The following TRAF3 variants were observed in gnomAD, a reference collection of about 807,000 sequenced individuals.
The protein encoded by TRAF3 is TNF receptor-associated factor 3.
In TRAF3, 13 loss-of-function variants were observed where a neutral mutation model predicts 62.3. That is an observed-to-expected ratio of 0.21 (90% CI 0.14 to 0.33). The LOEUF is 0.33. Ranked by LOEUF, TRAF3 falls within the 10% of genes least tolerant of loss-of-function variation. The probability of loss-of-function intolerance (pLI) is 1.00; values close to 1 mark genes in which losing one functional copy is unlikely to be tolerated. For missense variants in TRAF3, 440 were observed against 741.8 expected, an observed-to-expected ratio of 0.59 and a Z score of 4.73; for synonymous variants, 269 against 283.4, an observed-to-expected ratio of 0.95 and a Z score of 0.51.
intron 2 of TRAF3, among the ~76,000 whole-genome samples, 200 bp from the exon 3 acceptor site, chr14:102,869,985 A>T (rs565383923): frequency 3.1e-4 from 47 of 152,098 alleles, no homozygotes; most frequent in Non-Finnish European, 6.5e-4. Context: ...ATCAATAGTT[A>T]CTATGTGTTT....
At chr14:102,829,830 AG>A (rs1900558587) in intron 1 of TRAF3, among the ~76,000 whole-genome samples, 1 of 152,180 alleles carries the variant, frequency 6.6e-6, no homozygotes, top group Non-Finnish European at 1.5e-5. Context: ...GCTGTTTGTT[AG>A]AAATATATGT....
At chr14:102,881,353 C>A (rs570014536) in intron 6 of TRAF3, among the ~76,000 whole-genome samples, 4 of 148,938 alleles carry the variant, frequency 2.7e-5, no homozygotes, top group Admixed American at 6.7e-5. Flanking sequence ...CACTGCACTT[C>A]AGCCTGGGCG....
chr14:102,813,682 C>T (rs1899340557), intron 1 of TRAF3, among the ~76,000 whole-genome samples: 1 of 151,652 alleles, frequency 6.6e-6, no homozygotes, highest in Non-Finnish European at 1.5e-5. Context: ...AACTCCTGAC[C>T]TCAGTTGATC....
At chr14:102,828,629 T>C (rs1247189283) in intron 1 of TRAF3, among the ~76,000 whole-genome samples, 1 of 152,242 alleles carries the variant, frequency 6.6e-6, no homozygotes, top group Non-Finnish European at 1.5e-5. Context: ...CATATATGTA[T>C]TTTAAATGTT....
intron 3 of TRAF3, 94 bp downstream of exon 3, chr14:102,870,540 G>T: frequency 6.6e-7 from 1 of 1,521,364 alleles, no homozygotes; most frequent in Non-Finnish European, 8.9e-7. Context: ...AACCTCTAGA[G>T]GTTTAAAGCC....
chr14:102,807,431 C>T (rs1221239611), intron 1 of TRAF3, among the ~76,000 whole-genome samples: 2 of 152,218 alleles, frequency 1.3e-5, no homozygotes. Flanking sequence ...TCAGCCATCC[C>T]CACAGGGCTG....
chr14:102,882,604 A>G (rs749256525), intron 6 of TRAF3, among the ~76,000 whole-genome samples: 3 of 144,398 alleles, frequency 2.1e-5, no homozygotes, highest in African/African-American at 7.8e-5. Flanking sequence ...CCTTATTCTC[A>G]TCCCCTGAGG....
At chr14:102,800,869 A>G (rs957607087) in intron 1 of TRAF3, among the ~76,000 whole-genome samples, 1 of 151,710 alleles carries the variant, frequency 6.6e-6, no homozygotes, top group Non-Finnish European at 1.5e-5. Flanking sequence ...CTGATTTTTT[A>G]ATTTAAATTT....
chr14:102,873,407 G>A (rs1737219847), intron 4 of TRAF3, among the ~76,000 whole-genome samples: 1 of 152,226 alleles, frequency 6.6e-6, no homozygotes, highest in South Asian at 2.1e-4. Flanking sequence ...TTGTTAACAT[G>A]TGCCTAACGT....
intron 1 of TRAF3, among the ~76,000 whole-genome samples, chr14:102,821,282 G>A (rs765890436): frequency 2.6e-5 from 4 of 152,182 alleles, no homozygotes; most frequent in African/African-American, 4.8e-5. Context: ...TAGTAACACC[G>A]TCTCAATCTT....
At chr14:102,844,853 C>T (rs892046168) in intron 2 of TRAF3, among the ~76,000 whole-genome samples, 5 of 148,932 alleles carry the variant, frequency 3.4e-5, no homozygotes, top group Non-Finnish European at 5.9e-5. Context: ...CCAGCCTGGG[C>T]AACATAGTGA....
intron 3 of TRAF3, 22 bp from the exon 4 acceptor site, chr14:102,871,895 A>C: frequency 6.2e-7 from 1 of 1,613,116 alleles, no homozygotes; most frequent in South Asian, 1.1e-5. Flanking sequence ...ACTCTAATGC[A>C]GTCACTTGTG....
chr14:102,877,467 T>C (rs1888760880), intron 6 of TRAF3, among the ~76,000 whole-genome samples: 1 of 145,574 alleles, frequency 6.9e-6, no homozygotes, highest in Admixed American at 6.8e-5. Flanking sequence ...TCATAGATAA[T>C]CCATTCCACA....
chr14:102,845,508 T>TA (rs1180542427), intron 2 of TRAF3, among the ~76,000 whole-genome samples: 224 of 128,842 alleles, frequency 1.7e-3, no homozygotes, highest in African/African-American at 5.3e-3. Flanking sequence ...AGCCTAAAAA[T>TA]AAAAAAAAAA....
chr14:102,891,742 C>T (rs1325947262), intron 9 of TRAF3, among the ~76,000 whole-genome samples: 4 of 151,948 alleles, frequency 2.6e-5, no homozygotes, highest in Admixed American at 1.3e-4. Flanking sequence ...TATTGGAAGA[C>T]AGCCATCCTT....
At position 102,873,294 on chromosome 14, in the gene TRAF3, C is replaced by T. The variant is rs1888449513; in HGVS notation, c.297+1326C>T. Among the ~76,000 whole-genome samples the T allele has an allele frequency of 2.0e-5, 3 of 152,170 alleles. No homozygotes were observed. In the South Asian group the frequency reaches 6.2e-4, roughly 32 times the overall value. On this transcript the variant is annotated intron_variant, in intron 4 of 11. Coordinates refer to ENST00000392745, the MANE Select transcript of TRAF3 (RefSeq NM_145725.3). ...CCACCTGGCCCTGTACCTTTTCTTT[C>T]TCTGCATTTACCTGCTGCTGCTGCA...
intron 8 of TRAF3, 31 bp downstream of exon 8, chr14:102,889,665 A>G (rs1377579550): frequency 1.9e-6 from 3 of 1,609,834 alleles, no homozygotes; most frequent in Non-Finnish European, 2.6e-6. Flanking sequence ...CTTCCCAGTC[A>G]CTGACATTCT....
rs888538155 is a variant in TRAF3 at position 102,809,777 on chromosome 14, G to A, written c.-156-20557G>A. 1.5e-4 allele frequency among the ~76,000 whole-genome samples: 22 copies of A among 151,718 alleles called. No individual in the cohort carries two copies. The Middle Eastern group carries it at 0.01, about 71-fold the overall frequency. ...AATCTCCTGACCTCGTGATCTGCCC[G>A]CCTCGGCCTCCTAAAGTGCTGGGAT... On this transcript the variant is annotated intron_variant, in intron 1 of 11. Transcript: ENST00000392745.
intron 3 of TRAF3, among the ~76,000 whole-genome samples, chr14:102,870,754 A>T (rs1035361984): frequency 1.3e-5 from 2 of 152,080 alleles, no homozygotes; most frequent in Non-Finnish European, 2.9e-5. Flanking sequence ...CATGGAGGAG[A>T]TACACCAGGA....
Sources: gnomAD v4.1 joint callset for allele counts (sites outside exome capture counted in the v4.1 genomes callset) on GRCh38, gnomAD v4.1.1 for gene constraint, MANE v1.5 for transcripts, NCBI Gene and HGNC (gene_info 2026-07-23, HGNC 2026-07-21) for gene names.